The following MAP3K2 variants were observed in gnomAD, a reference collection of about 807,000 sequenced individuals.
MAP3K2 encodes MAP/ERK kinase kinase 2.
A neutral mutation model predicts 80.3 loss-of-function variants in MAP3K2; 24 were observed. The observed-to-expected ratio is 0.30, with a 90% CI of 0.22 to 0.42. The LOEUF (loss-of-function observed/expected upper bound fraction) is 0.42. Ranked by LOEUF, MAP3K2 falls within the 10% of genes least tolerant of loss-of-function variation. The pLI, the probability that MAP3K2 is intolerant of heterozygous loss-of-function variation, is 1.00. For missense variants in MAP3K2, 608 were observed against 750.1 expected (o/e 0.81, Z 2.21); for synonymous variants, 244 against 253.7 (o/e 0.96, Z 0.36).
At position 127,325,790 on chromosome 2, in the gene MAP3K2, A is replaced by G. The variant is rs750256568; in HGVS notation, c.615T>C (p.Ser205=). 2 of 1,613,338 alleles carry G rather than the reference A, an allele frequency of 1.2e-6. No homozygotes were observed. The highest frequency in any genetic ancestry group is 3.3e-5 in the Admixed American group (2 of 60,014). Residue 205 remains serine, a synonymous_variant, in exon 9 of 17, where the codon TCT becomes TCC. Transcript: ENST00000682094. Reference sequence around the variant, plus strand: ...AGCCAGAATTTTCAGGGCTGCTTAAAGATAATGGATCCAGCATCTAGGAAA... The same window carrying G: ...AGCCAGAATTTTCAGGGCTGCTTAAGGATAATGGATCCAGCATCTAGGAAA... ...ESMDQMLDPL[S]LSSPENSGSG...
At chr2:127,326,651 TTTAAA>T (rs748881480) in intron 8 of MAP3K2, 31 bp downstream of exon 8, 34 of 1,473,788 alleles carry the variant, frequency 2.3e-5, no homozygotes, top group Admixed American at 4.9e-5. Flanking sequence ...ACAACATCTC[TTTAAA>T]TTAAATTTAA....
At chr2:127,353,933 A>G (rs1407876053) in intron 1 of MAP3K2, among the ~76,000 whole-genome samples, 10 of 151,662 alleles carry the variant, frequency 6.6e-5, no homozygotes, top group East Asian at 1.9e-4. Context: ...CTGTTGATCT[A>G]TGACCTTACC....
At chr2:127,359,279 G>C (rs1042326624) in intron 1 of MAP3K2, among the ~76,000 whole-genome samples, 1 of 152,176 alleles carries the variant, frequency 6.6e-6, no homozygotes, top group African/African-American at 2.4e-5. Flanking sequence ...GTTAATAACA[G>C]GGGAAACCAG....
At chr2:127,319,302 G>A (rs1455358482) in intron 12 of MAP3K2, among the ~76,000 whole-genome samples, 1 of 151,070 alleles carries the variant, frequency 6.6e-6, no homozygotes, top group African/African-American at 2.4e-5. Context: ...CTGTGACCCT[G>A]ATCATTAGAG....
chr2:127,379,266 G>C (rs1368221862), intron 1 of MAP3K2, among the ~76,000 whole-genome samples: 1 of 152,126 alleles, frequency 6.6e-6, no homozygotes, highest in Non-Finnish European at 1.5e-5. Flanking sequence ...AAAATAGACA[G>C]AATCTATGTG....
At chr2:127,319,320 A>T (rs956896306) in intron 12 of MAP3K2, among the ~76,000 whole-genome samples, 1 of 151,462 alleles carries the variant, frequency 6.6e-6, no homozygotes, top group Non-Finnish European at 1.5e-5. Context: ...GAGCACTCCT[A>T]CTCCCGGAAG....
At chr2:127,316,871 G>A (rs527283560) in intron 14 of MAP3K2, 75 of 152,198 alleles carry the variant, frequency 4.9e-4, no homozygotes, top group African/African-American at 1.7e-3. Flanking sequence ...ATTAAAATCC[G>A]CATGCTCATT....
chr2:127,353,684 C>G (rs1359341372), intron 1 of MAP3K2, among the ~76,000 whole-genome samples: 1 of 152,028 alleles, frequency 6.6e-6, no homozygotes, highest in African/African-American at 2.4e-5. Context: ...TCTGCCCGGC[C>G]GCCCCTACTG....
At chr2:127,344,901 T>C (rs74938167) in intron 1 of MAP3K2, among the ~76,000 whole-genome samples, 1 of 152,298 alleles carries the variant, frequency 6.6e-6, no homozygotes, top group East Asian at 1.9e-4. Flanking sequence ...TCTTGCTCTC[T>C]TTCCCAGGCT....
rs757207571 is a variant in MAP3K2, at chr2:127,308,744, T to C, written c.1475A>G (p.Asp492Gly). 2.4e-5 allele frequency: 39 copies of C among 1,613,476 alleles called. No homozygotes were observed. The highest frequency in any genetic ancestry group is 2.6e-5 in the Non-Finnish European group (31 of 1,179,648). ...TCCTAGTTTGACGTTGCCTGTTGAA[T>C]CTCGCAGGATATTTGCGCCTAAAAA... ...RDIKGANILR[D>G]STGNVKLGDF... Residue 492 changes from aspartate (D) to glycine (G), a missense_variant, in exon 16 of 17, where the codon GAT (aspartate) becomes GGT (glycine). This residue lies in a region of MAP3K2 where 88 missense variants were observed against 132.4 expected (regional missense o/e 0.66). Transcript: ENST00000682094.
intron 9 of MAP3K2, among the ~76,000 whole-genome samples, chr2:127,324,570 A>G (rs73956519): frequency 0.026 from 3,944 of 152,306 alleles, 66 homozygotes; most frequent in African/African-American, 0.03. Context: ...TCAACAAAAA[A>G]GATAATTTCC....
At chr2:127,320,232 G>A (rs1350346238) in intron 12 of MAP3K2, among the ~76,000 whole-genome samples, 1 of 152,196 alleles carries the variant, frequency 6.6e-6, no homozygotes, top group Non-Finnish European at 1.5e-5. Flanking sequence ...ACATGTTAAA[G>A]GTTCTAATGG....
At chr2:127,315,466 C>T (rs886980999) in intron 14 of MAP3K2, among the ~76,000 whole-genome samples, 3 of 152,170 alleles carry the variant, frequency 2.0e-5, no homozygotes, top group Admixed American at 1.3e-4. Flanking sequence ...CAGATTTAAC[C>T]ATTTGTCCTT....
At chr2:127,343,095 T>C (rs1272239286) in intron 2 of MAP3K2, 31 bp downstream of exon 2, 1 of 1,540,330 alleles carries the variant, frequency 6.5e-7, no homozygotes, top group Non-Finnish European at 8.8e-7. Context: ...CCTTTAATTA[T>C]TGCTGAAAAA....
chr2:127,387,891 G>T lies in MAP3K2; in HGVS notation c.-505C>A. The T allele has an allele frequency of 3.1e-6, 3 of 982,064 alleles. No homozygotes were observed. Among genetic ancestry groups the T allele is most frequent in the Non-Finnish European group, 3.6e-6 (3 of 827,120 alleles). 60.8% of individuals were successfully genotyped at this position (982,064 alleles called of 1,614,324 possible). A position where few individuals can be genotyped will look rare whatever the true frequency, so the allele number is the denominator to read the frequency against. ...GCCGCGGGCCGTGCAACCCCCGAAC[G>T]CTGCGCCCAGCGGCCGCGGCACCCT... On this transcript the variant is annotated 5_prime_UTR_variant, in exon 1 of 17. Coordinates refer to ENST00000682094, the MANE Select transcript of MAP3K2 (RefSeq NM_001371910.2).
intron 5 of MAP3K2, among the ~76,000 whole-genome samples, chr2:127,333,049 T>C (rs1686289502): frequency 1.3e-5 from 2 of 151,700 alleles, no homozygotes; most frequent in East Asian, 1.9e-4. Flanking sequence ...AGAGGATTGA[T>C]TGAGCCAGGG....
chr2:127,302,494 T>TGCACACAC lies in MAP3K2; in HGVS notation c.*5077_*5084dup, dbSNP rs1685616716. 6.6e-6 allele frequency: 1 copy of TGCACACAC among 151,632 alleles called. No individual in the cohort carries two copies. The highest frequency in any genetic ancestry group is 2.4e-5 in the African/African-American group (1 of 41,284). 9.4% of individuals were successfully genotyped at this position (151,632 alleles called of 1,614,324 possible). On this transcript the variant is annotated 3_prime_UTR_variant, in exon 17 of 17. Coordinates refer to ENST00000682094, the MANE Select transcript of MAP3K2 (RefSeq NM_001371910.2). Reference sequence around the variant, plus strand: ...GCAAACGCACACATACATGCACACATGCACACACTTCACAGAAAAGTAACT... The same window carrying TGCACACAC: ...GCAAACGCACACATACATGCACACATGCACACACGCACACACTTCACAGAAAAGTAACT...
At position 127,380,658 on chromosome 2, in the gene MAP3K2, A is replaced by G. The variant is rs374060219; in HGVS notation, c.-66+6794T>C. On this transcript the variant is annotated intron_variant, in intron 1 of 16. Transcript: ENST00000682094. The stretch of plus-strand genomic sequence containing the variant: ...TCTTAACTCTTTAACCTAAGAGTTA[A>G]GTAACAATAAAGGCAACAATACAAG... Among the ~76,000 whole-genome samples, 354 of 151,514 alleles carry G rather than the reference A, an allele frequency of 2.3e-3. 1 individual carries two copies. The highest frequency in any genetic ancestry group is 7.7e-3 in the African/African-American group (321 of 41,492).
intron 3 of MAP3K2, among the ~76,000 whole-genome samples, chr2:127,338,573 G>C (rs752227200): frequency 6.6e-6 from 1 of 152,094 alleles, no homozygotes; most frequent in Admixed American, 6.6e-5. Flanking sequence ...TTATAACTGA[G>C]AACATGTGGT....
Sources: allele counts gnomAD v4.1 joint callset (sites outside exome capture counted in the v4.1 genomes callset), GRCh38; gene constraint gnomAD v4.1.1; regional missense constraint gnomAD v4.1.1; transcripts MANE v1.5; gene names NCBI Gene and HGNC (gene_info 2026-07-23, HGNC 2026-07-21).